The following WDR70 variants were observed in gnomAD, a reference collection of about 807,000 sequenced individuals.
WDR70 encodes WD repeat domain 70.
Under a neutral mutation model 88.6 loss-of-function variants are expected in WDR70, and 53 were observed. The observed-to-expected ratio is 0.60, with a 90% CI of 0.48 to 0.75. WDR70 has a LOEUF of 0.75. Among genes scored for constraint, WDR70 ranks in the 30% least tolerant of loss-of-function variants. WDR70 has a pLI of 0.00. For synonymous variants in WDR70, 280 were observed against 270.0 expected (o/e 1.04, Z -0.36); for missense variants, 610 against 823.2 (o/e 0.74, Z 3.17).
chr5:37,722,787 G>A, intron 14 of WDR70, 68 bp from the exon 15 acceptor site: 2 of 1,469,812 alleles, frequency 1.4e-6, no homozygotes, highest in Non-Finnish European at 1.9e-6. Context: ...AGTATCTCAT[G>A]TTTTCAACAT....
intron 10 of WDR70, among the ~76,000 whole-genome samples, chr5:37,638,864 A>G (rs1745037631): frequency 6.6e-6 from 1 of 152,194 alleles, no homozygotes; most frequent in Non-Finnish European, 1.5e-5. Flanking sequence ...AGAAAGGTTT[A>G]TTGTTTTCAA....
chr5:37,557,669 CAG>C (rs1742332530), intron 9 of WDR70, among the ~76,000 whole-genome samples: 1 of 151,894 alleles, frequency 6.6e-6, no homozygotes, highest in South Asian at 2.1e-4. Flanking sequence ...AACATTGTAG[CAG>C]AGTCAGTGCT....
chr5:37,641,411 CTTTTTTTTT>C (rs70978833), intron 10 of WDR70, among the ~76,000 whole-genome samples: 1 of 80,338 alleles, frequency 1.2e-5, no homozygotes, highest in Non-Finnish European at 2.2e-5. Flanking sequence ...TGTCCACATC[CTTTTTTTTT>C]TTTTTTTTTT....
chr5:37,389,911 C>A (rs1344996535), intron 3 of WDR70, among the ~76,000 whole-genome samples: 1 of 152,080 alleles, frequency 6.6e-6, no homozygotes, highest in Non-Finnish European at 1.5e-5. Context: ...TATGTAATTC[C>A]TTGTTGATGT....
chr5:37,418,244 C>T lies in WDR70; in HGVS notation c.493-19678C>T, dbSNP rs1454778293. On this transcript the variant is annotated intron_variant, in intron 5 of 17. Transcript: ENST00000265107. ...TTTATTTTATTCAGGATTAAATAAA[C>T]CTTGACCTAAAAATTTTAATTTTAT... Among the ~76,000 whole-genome samples, 3 of 151,842 alleles carry T rather than the reference C, an allele frequency of 2.0e-5. No individual in the cohort carries two copies. The East Asian group carries it at 5.8e-4, about 29-fold the overall frequency.
intron 17 of WDR70, among the ~76,000 whole-genome samples, chr5:37,737,763 G>A (rs558071370): frequency 3.5e-4 from 54 of 152,218 alleles, no homozygotes; most frequent in African/African-American, 1.3e-3. Context: ...TGGTGATAAG[G>A]TAGCTAATGG....
chr5:37,627,008 T>C (rs1029743986), intron 10 of WDR70, among the ~76,000 whole-genome samples: 5 of 152,194 alleles, frequency 3.3e-5, no homozygotes, highest in Non-Finnish European at 2.9e-5. Flanking sequence ...AGTCTCTTTT[T>C]TTCTTTTTTT....
chr5:37,502,172 G>A (rs1740422375), intron 8 of WDR70, among the ~76,000 whole-genome samples: 1 of 152,016 alleles, frequency 6.6e-6, no homozygotes, highest in African/African-American at 2.4e-5. Context: ...TATACTGCTA[G>A]GTTTCCTTTT....
intron 9 of WDR70, among the ~76,000 whole-genome samples, chr5:37,517,235 C>G (rs920929972): frequency 6.6e-6 from 1 of 152,024 alleles, no homozygotes; most frequent in Non-Finnish European, 1.5e-5. Context: ...AGTCTAATAG[C>G]TAACATAAGC....
intron 9 of WDR70, among the ~76,000 whole-genome samples, chr5:37,524,892 A>T (rs1224936369): frequency 1.3e-5 from 2 of 152,248 alleles, no homozygotes; most frequent in Non-Finnish European, 2.9e-5. Context: ...AGGCCATTAC[A>T]TAATGGTAAA....
At chr5:37,477,575 A>G (rs531892571) in intron 7 of WDR70, among the ~76,000 whole-genome samples, 1 of 152,328 alleles carries the variant, frequency 6.6e-6, no homozygotes, top group East Asian at 1.9e-4. Context: ...TCATGCCACC[A>G]TGACTATTTC....
chr5:37,396,360 T>C lies in WDR70; in HGVS notation c.297-15T>C. On this transcript the variant is annotated splice_polypyrimidine_tract_variant and intron_variant, in intron 4 of 17. Transcript: ENST00000265107. ...TTGCAGCAGAGGCAAAGAGTTTCTGTTTCTGTATTTTCAGGGATACGAGCA... is the reference window on the plus strand; with the variant it reads ...TTGCAGCAGAGGCAAAGAGTTTCTGCTTCTGTATTTTCAGGGATACGAGCA... 2 of 1,591,028 alleles carry C rather than the reference T, an allele frequency of 1.3e-6. No individual in the cohort carries two copies. Among genetic ancestry groups the C allele is most frequent in the South Asian group, 1.1e-5 (1 of 87,344 alleles).
intron 10 of WDR70, among the ~76,000 whole-genome samples, chr5:37,609,509 G>T (rs991702187): frequency 2.6e-5 from 4 of 152,192 alleles, no homozygotes; most frequent in African/African-American, 7.2e-5. Context: ...CTAAGTTTTT[G>T]TCAGGAAAAT....
At position 37,593,637 on chromosome 5, in the gene WDR70, A is replaced by T. The variant is rs562163634; in HGVS notation, c.918-11427A>T. On this transcript the variant is annotated intron_variant, in intron 9 of 17. Coordinates refer to ENST00000265107, the MANE Select transcript of WDR70 (RefSeq NM_018034.4). ...GTGTGCATGTGTCTTTATAGTAGCAAGATTTATAATCCTTTGGGTATATAC... is the reference window on the plus strand; with the variant it reads ...GTGTGCATGTGTCTTTATAGTAGCATGATTTATAATCCTTTGGGTATATAC... 3.3e-5 allele frequency among the ~76,000 whole-genome samples: 5 copies of T among 152,276 alleles called. No homozygotes were observed. The East Asian group carries it at 9.7e-4, about 29-fold the overall frequency.
At chr5:37,462,885 G>A (rs1006851575) in intron 7 of WDR70, among the ~76,000 whole-genome samples, 3 of 152,004 alleles carry the variant, frequency 2.0e-5, no homozygotes, top group Non-Finnish European at 4.4e-5. Context: ...CCAGGACTCA[G>A]CAAAGTTATA....
At chr5:37,577,907 A>G (rs1256241149) in intron 9 of WDR70, among the ~76,000 whole-genome samples, 1 of 152,184 alleles carries the variant, frequency 6.6e-6, no homozygotes, top group African/African-American at 2.4e-5. Context: ...GACCTGAGAG[A>G]CATTGTATAG....
At chr5:37,392,174 A>G in intron 4 of WDR70, 54 bp downstream of exon 4, 2 of 1,471,162 alleles carry the variant, frequency 1.4e-6, no homozygotes, top group East Asian at 2.4e-5. Context: ...AGGTGTTTAT[A>G]GAGTTTTTTT....
chr5:37,675,075 C>G (rs1456826341), intron 10 of WDR70, among the ~76,000 whole-genome samples: 15,944 of 150,968 alleles, frequency 0.11, 1,668 homozygotes, highest in African/African-American at 0.27. Flanking sequence ...CTTTTTGATG[C>G]GGTTGTTTGT....
chr5:37,517,073 T>G (rs1740911676), intron 9 of WDR70, among the ~76,000 whole-genome samples: 1 of 152,134 alleles, frequency 6.6e-6, no homozygotes, highest in Admixed American at 6.5e-5. Context: ...AGTATTTGAT[T>G]AAACAAAAAT....
Sources: allele counts gnomAD v4.1 joint callset (sites outside exome capture counted in the v4.1 genomes callset), GRCh38; gene constraint gnomAD v4.1.1; transcripts MANE v1.5; gene names NCBI Gene and HGNC (gene_info 2026-07-23, HGNC 2026-07-21).